DCP1B: variants seen among roughly 807,000 people sequenced by gnomAD.
DCP1B encodes the protein mRNA-decapping enzyme 1B.
In DCP1B, 47 loss-of-function variants were observed where a neutral mutation model predicts 60.5. The observed-to-expected ratio is 0.78, with a 90% CI of 0.61 to 0.99. DCP1B has a LOEUF of 0.99. DCP1B is among the 50% of genes least tolerant of loss of function. The probability of loss-of-function intolerance (pLI) is 0.00; values close to 1 mark genes in which losing one functional copy is unlikely to be tolerated. For synonymous variants in DCP1B, 267 were observed against 280.3 expected (o/e 0.95, Z 0.47); for missense variants, 725 against 756.8 (o/e 0.96, Z 0.49).
In DCP1B at chr12:1,962,980, CATTTA is replaced by C. The variant is rs2031175922; in HGVS notation, c.522+2573_522+2577del. Among the ~76,000 whole-genome samples the C allele has an allele frequency of 1.3e-5, 2 of 152,202 alleles. No homozygotes were observed. The highest frequency in any genetic ancestry group is 4.8e-5 in the African/African-American group (2 of 41,450). ...TTTTCTGATTGCTTCCTCATAGCATCATTTAATTTGTTTTTCTACCTTGTCTCCCC... is the reference window on the plus strand; with the variant it reads ...TTTTCTGATTGCTTCCTCATAGCATCATTTGTTTTTCTACCTTGTCTCCCC... On this transcript the variant is annotated intron_variant, in intron 5 of 8. Transcript: ENST00000280665. The surrounding 1 kb of genome is among the most constrained non-coding windows in gnomAD (Gnocchi z 4.4).
intron 1 of DCP1B, among the ~76,000 whole-genome samples, chr12:2,000,807 C>T (rs1453423681): frequency 1.3e-5 from 2 of 152,146 alleles, no homozygotes; most frequent in East Asian, 1.9e-4. Flanking sequence ...GAGGCCGAGG[C>T]GGGTGGATCA....
At chr12:2,003,840 G>T (rs772615988) in intron 1 of DCP1B, among the ~76,000 whole-genome samples, 13 of 151,996 alleles carry the variant, frequency 8.6e-5, no homozygotes, top group Non-Finnish European at 1.5e-4. Flanking sequence ...ATTTCTCTTT[G>T]CCCCATCTAA....
At chr12:1,988,771 C>T (rs2038539599) in intron 3 of DCP1B, among the ~76,000 whole-genome samples, 1 of 152,170 alleles carries the variant, frequency 6.6e-6, no homozygotes, top group African/African-American at 2.4e-5. Context: ...ATGGGGGCTA[C>T]CTGTAATTTT....
intron 3 of DCP1B, among the ~76,000 whole-genome samples, chr12:1,976,431 CA>C (rs1408416163): frequency 2.6e-5 from 4 of 152,052 alleles, no homozygotes; most frequent in Non-Finnish European, 5.9e-5. Flanking sequence ...CTAATTCAAC[CA>C]ACCACTCCTC....
chr12:1,944,823 T>C (rs1363015344), downstream of DCP1B, among the ~76,000 whole-genome samples: 1 of 152,020 alleles, frequency 6.6e-6, no homozygotes, highest in Non-Finnish European at 1.5e-5. Context: ...CCTAAAACCA[T>C]AAAAACCCTA....
intron 3 of DCP1B, among the ~76,000 whole-genome samples, chr12:1,990,337 C>G (rs760322125): frequency 6.6e-6 from 1 of 152,124 alleles, no homozygotes. Flanking sequence ...TTTTAAAGTT[C>G]ATACAGGTCA....
Position 1,946,292 on chromosome 12 carries a change from A to G in DCP1B, c.1774-6T>C. 1 of 1,595,886 alleles carries G rather than the reference A, an allele frequency of 6.3e-7. No individual in the cohort carries two copies. The highest frequency in any genetic ancestry group is 1.1e-5 in the South Asian group (1 of 86,988). On this transcript the variant is annotated splice_region_variant and splice_polypyrimidine_tract_variant and intron_variant, in intron 8 of 8. Transcript: ENST00000280665. ...TTTAAGAAGTTGTCATCATTCTGGA[A>G]AACAAATCGAAAGACCCAAGAGAAT... is the stretch of plus-strand genomic sequence containing the variant.
In DCP1B at chr12:1,948,429, T is replaced by C. The variant is rs540677865; in HGVS notation, c.1773+657A>G. On this transcript the variant is annotated intron_variant, in intron 8 of 8. Coordinates refer to ENST00000280665, the MANE Select transcript of DCP1B (RefSeq NM_152640.5). The surrounding 1 kb of genome is among the most constrained non-coding windows in gnomAD (Gnocchi z 4.8). The stretch of plus-strand genomic sequence containing the variant: ...TGGGAAAAATAACAGGGTTGTTATG[T>C]AAGGAGTGAATGAGTTATATGCTTG... Among the ~76,000 whole-genome samples the C allele has an allele frequency of 3.9e-5, 6 of 152,288 alleles. No individual in the cohort carries two copies. The South Asian group carries it at 1.2e-3, about 32-fold the overall frequency.
At chr12:1,961,789 G>A (rs1466589531) in intron 5 of DCP1B, among the ~76,000 whole-genome samples, 3 of 152,166 alleles carry the variant, frequency 2.0e-5, no homozygotes. Context: ...GGTAAATAAA[G>A]TAAGGGGAAA....
chr12:1,972,847 G>A (rs1248495520), intron 3 of DCP1B, among the ~76,000 whole-genome samples: 2 of 152,028 alleles, frequency 1.3e-5, no homozygotes, highest in African/African-American at 4.8e-5. Flanking sequence ...GGAGGGAGAG[G>A]GAGAAAAAGA....
At chr12:1,997,403 C>G (rs531873920) in intron 2 of DCP1B, among the ~76,000 whole-genome samples, 1 of 152,182 alleles carries the variant, frequency 6.6e-6, no homozygotes, top group Non-Finnish European at 1.5e-5. Context: ...GCCTGTAATC[C>G]CAGCTACTCA....
intron 3 of DCP1B, among the ~76,000 whole-genome samples, chr12:1,990,752 C>T (rs970247254): frequency 1.3e-5 from 2 of 152,108 alleles, no homozygotes; most frequent in African/African-American, 4.8e-5. Flanking sequence ...GTTCCTTGCC[C>T]AAAGAAAGGC....
chr12:1,941,908 C>T (rs1389772920), downstream of DCP1B, among the ~76,000 whole-genome samples: 1 of 152,142 alleles, frequency 6.6e-6, no homozygotes, highest in Non-Finnish European at 1.5e-5. Flanking sequence ...CAGCTAGCAT[C>T]ATAATGACAG....
intron 3 of DCP1B, among the ~76,000 whole-genome samples, chr12:1,990,099 G>A (rs75174111): frequency 6.6e-6 from 1 of 152,088 alleles, no homozygotes; most frequent in South Asian, 2.1e-4. Context: ...AAGGTTTCTT[G>A]GTTCAAGTGG....
chr12:1,964,579 C>T (rs921926721), intron 5 of DCP1B, among the ~76,000 whole-genome samples: 5 of 152,096 alleles, frequency 3.3e-5, no homozygotes, highest in African/African-American at 1.2e-4. Flanking sequence ...ATTTCTAATA[C>T]ATTTGGAATT....
chr12:1,972,786 A>T (rs1008917143), intron 3 of DCP1B, among the ~76,000 whole-genome samples: 1 of 152,172 alleles, frequency 6.6e-6, no homozygotes, highest in Admixed American at 6.6e-5. Flanking sequence ...TCTCAAAAGG[A>T]AAAAAAGAAG....
chr12:2,001,504 T>C (rs1366641894), intron 1 of DCP1B, among the ~76,000 whole-genome samples: 1 of 152,240 alleles, frequency 6.6e-6, no homozygotes, highest in Non-Finnish European at 1.5e-5. Context: ...TTTTGGGGAC[T>C]CTGCACACTG....
At chr12:1,960,968 T>C (rs2031101622) in intron 5 of DCP1B, among the ~76,000 whole-genome samples, 1 of 152,220 alleles carries the variant, frequency 6.6e-6, no homozygotes, top group South Asian at 2.1e-4. Flanking sequence ...CTGAAATATC[T>C]GTGTGTGAGT....
chr12:1,952,199 G>T (rs979462196), intron 7 of DCP1B, among the ~76,000 whole-genome samples: 1 of 152,000 alleles, frequency 6.6e-6, no homozygotes, highest in African/African-American at 2.4e-5. Context: ...TAACAGACAG[G>T]GTCTCGCTCT....
Sources: gnomAD v4.1 joint callset for allele counts (sites outside exome capture counted in the v4.1 genomes callset) on GRCh38, gnomAD v4.1.1 for gene constraint, Gnocchi (gnomAD v3.1) non-coding constraint, MANE v1.5 for transcripts, NCBI Gene and HGNC (gene_info 2026-07-23, HGNC 2026-07-21) for gene names.